Variants in PTPRK observed in about 807,000 individuals in gnomAD.
The protein encoded by PTPRK is protein tyrosine phosphatase receptor type K.
In PTPRK, 75 loss-of-function variants were observed where a neutral mutation model predicts 178.0. The observed-to-expected ratio is 0.42, with a 90% confidence interval of 0.35 to 0.51. The LOEUF is 0.51. Ranked by LOEUF, PTPRK falls within the 20% of genes least tolerant of loss-of-function variation. PTPRK has a pLI of 0.02. For missense variants in PTPRK, 1,441 were observed against 1,797.8 expected, an observed-to-expected ratio of 0.80 and a Z score of 3.59; for synonymous variants, 637 against 620.6, an observed-to-expected ratio of 1.03 and a Z score of -0.39.
At chr6:128,227,213 C>T (rs1006358958) in intron 5 of PTPRK, among the ~76,000 whole-genome samples, 4 of 152,038 alleles carry the variant, frequency 2.6e-5, no homozygotes, top group African/African-American at 9.7e-5. Flanking sequence ...TTGCTTCAAA[C>T]GGCACTGTAG....
chr6:128,307,160 A>AATATAT (rs397888214), intron 3 of PTPRK, among the ~76,000 whole-genome samples: 1 of 142,344 alleles, frequency 7.0e-6, no homozygotes, highest in African/African-American at 2.7e-5. Flanking sequence ...AAGAAAAAAA[A>AATATAT]ATATATATAT....
intron 13 of PTPRK, among the ~76,000 whole-genome samples, chr6:128,021,709 C>T (rs1773545152): frequency 1.3e-5 from 2 of 152,138 alleles, no homozygotes; most frequent in South Asian, 4.1e-4. Context: ...CAAGGGACTT[C>T]GGAATTTCTC....
intron 7 of PTPRK, among the ~76,000 whole-genome samples, chr6:128,179,828 T>C (rs1369802955): frequency 6.6e-6 from 1 of 152,040 alleles, no homozygotes; most frequent in Non-Finnish European, 1.5e-5. Context: ...TGGTTTCTGG[T>C]ATATGCCTGA....
intron 1 of PTPRK, among the ~76,000 whole-genome samples, chr6:128,502,454 C>T (rs2128438130): frequency 6.6e-6 from 1 of 152,256 alleles, no homozygotes; most frequent in Middle Eastern, 3.4e-3. Context: ...TCAAAATGGA[C>T]CAGGTTTTCT....
intron 2 of PTPRK, among the ~76,000 whole-genome samples, chr6:128,335,643 T>C (rs915121220): frequency 6.6e-6 from 1 of 151,954 alleles, no homozygotes. Context: ...TCATAAACCA[T>C]ACAAATATAA....
chr6:128,431,943 T>A (rs561227639), intron 1 of PTPRK, among the ~76,000 whole-genome samples: 110 of 152,004 alleles, frequency 7.2e-4, no homozygotes, highest in Non-Finnish European at 1.3e-3. Context: ...AGATGTAATA[T>A]TATTTATGTT....
At chr6:128,345,609 C>T (rs1249710362) in intron 2 of PTPRK, among the ~76,000 whole-genome samples, 2 of 152,194 alleles carry the variant, frequency 1.3e-5, no homozygotes, top group East Asian at 1.9e-4. Context: ...GGTTATGATG[C>T]GAAGCTTAGC....
chr6:128,112,191 T>C (rs1039724272), intron 7 of PTPRK, among the ~76,000 whole-genome samples: 1 of 152,138 alleles, frequency 6.6e-6, no homozygotes, highest in Non-Finnish European at 1.5e-5. Flanking sequence ...CTTTTTACTA[T>C]AGCATTCTTA....
At chr6:128,050,365 G>A (rs1455262636) in intron 13 of PTPRK, among the ~76,000 whole-genome samples, 1 of 151,992 alleles carries the variant, frequency 6.6e-6, no homozygotes, top group Admixed American at 6.5e-5. Flanking sequence ...ACCAAATTCC[G>A]TTTCATATTT....
chr6:128,265,482 T>C (rs1009694641), intron 3 of PTPRK, among the ~76,000 whole-genome samples: 3 of 152,128 alleles, frequency 2.0e-5, no homozygotes, highest in African/African-American at 7.2e-5. Flanking sequence ...AACAACCCTA[T>C]GAGGTAGGGG....
At chr6:128,144,856 G>T (rs1419399679) in intron 7 of PTPRK, among the ~76,000 whole-genome samples, 2 of 152,148 alleles carry the variant, frequency 1.3e-5, no homozygotes, top group South Asian at 2.1e-4. Context: ...AACTGCAAAA[G>T]GTTTCTATAG....
At chr6:128,061,241 A>G (rs1562512283) in intron 13 of PTPRK, among the ~76,000 whole-genome samples, 1 of 152,154 alleles carries the variant, frequency 6.6e-6, no homozygotes, top group Non-Finnish European at 1.5e-5. Context: ...TAATTTCCAG[A>G]GAGAGAGTGA....
chr6:128,415,314 G>A (rs1370678881), intron 1 of PTPRK, among the ~76,000 whole-genome samples: 1 of 152,098 alleles, frequency 6.6e-6, no homozygotes, highest in Non-Finnish European at 1.5e-5. Flanking sequence ...TTTTAATCTT[G>A]AGAAAAATCT....
At chr6:128,473,751 C>G (rs1851027687) in intron 1 of PTPRK, among the ~76,000 whole-genome samples, 1 of 151,998 alleles carries the variant, frequency 6.6e-6, no homozygotes, top group African/African-American at 2.4e-5. Flanking sequence ...GTTCTGAAGA[C>G]TCAGATAACC....
intron 2 of PTPRK, among the ~76,000 whole-genome samples, chr6:128,342,388 G>C (rs559394416): frequency 6.6e-6 from 1 of 152,030 alleles, no homozygotes; most frequent in African/African-American, 2.4e-5. Context: ...CAAAGACCAA[G>C]GTTTCTATAA....
intron 1 of PTPRK, among the ~76,000 whole-genome samples, chr6:128,505,173 G>A (rs546284706): frequency 2.0e-5 from 3 of 148,184 alleles, no homozygotes; most frequent in Non-Finnish European, 4.5e-5. Flanking sequence ...GCGAAATCTC[G>A]GCTCGCTGCA....
intron 2 of PTPRK, among the ~76,000 whole-genome samples, chr6:128,351,315 G>A (rs1833099077): frequency 6.6e-6 from 1 of 152,176 alleles, no homozygotes; most frequent in Admixed American, 6.5e-5. Flanking sequence ...TGTGTACTAT[G>A]TGGTAGAAAA....
chr6:128,105,428 C>T (rs981789204), intron 7 of PTPRK, among the ~76,000 whole-genome samples: 6 of 152,130 alleles, frequency 3.9e-5, no homozygotes, highest in Non-Finnish European at 8.8e-5. Context: ...CCACCGCACC[C>T]GGCCTTACCT....
intron 2 of PTPRK, among the ~76,000 whole-genome samples, chr6:128,389,601 T>G (rs1407895600): frequency 6.6e-6 from 1 of 152,020 alleles, no homozygotes; most frequent in South Asian, 2.1e-4. Context: ...AAAGAAATTT[T>G]GAGTCTTTGG....
Sources: gnomAD v4.1 joint callset for allele counts (sites outside exome capture counted in the v4.1 genomes callset) on GRCh38, gnomAD v4.1.1 for gene constraint, MANE v1.5 for transcripts, NCBI Gene and HGNC (gene_info 2026-07-23, HGNC 2026-07-21) for gene names.